The following CD109 variants were observed in gnomAD, a reference collection of about 807,000 sequenced individuals.
The protein encoded by CD109 is CD109 molecule.
CD109 carries 149 observed loss-of-function variants against 165.8 expected under a neutral mutation model. The observed-to-expected ratio is 0.90, with a 90% CI of 0.79 to 1.03. CD109 has a LOEUF of 1.03. Among genes scored for constraint, CD109 ranks in the 50% least tolerant of loss-of-function variants. The pLI is 0.00. For synonymous variants in CD109, 585 were observed against 592.1 expected (o/e 0.99, Z 0.18); for missense variants, 1,712 against 1,677.8 (o/e 1.02, Z -0.36).
intron 15 of CD109, among the ~76,000 whole-genome samples, chr6:73,771,928 A>G (rs1174848220): frequency 6.6e-6 from 1 of 152,208 alleles, no homozygotes; most frequent in African/African-American, 2.4e-5. Context: ...TGTTCTCACC[A>G]CAAAAAATGA....
intron 2 of CD109, among the ~76,000 whole-genome samples, chr6:73,715,618 C>G (rs1010346977): frequency 4.7e-5 from 7 of 149,204 alleles, no homozygotes; most frequent in Non-Finnish European, 7.4e-5. Flanking sequence ...ACAACTGATT[C>G]TTTTTTTAAT....
In CD109 at chr6:73,800,711, T is replaced by C. The variant is rs1434562271; in HGVS notation, c.2879-2509T>C. Among the ~76,000 whole-genome samples, 3 of 152,234 alleles carry C rather than the reference T, an allele frequency of 2.0e-5. No homozygotes were observed. The East Asian group carries it at 5.8e-4, about 29-fold the overall frequency. ...TTTTCTATATTAAGATTTGTTTTTA[T>C]ATTTTTGTCTTTTGTGACTTATCTG... On this transcript the variant is annotated intron_variant, in intron 23 of 32. Coordinates refer to ENST00000287097, the MANE Select transcript of CD109 (RefSeq NM_133493.5).
At chr6:73,705,160 C>T (rs192066909) in intron 2 of CD109, among the ~76,000 whole-genome samples, 10 of 152,280 alleles carry the variant, frequency 6.6e-5, no homozygotes, top group Admixed American at 2.0e-4. Flanking sequence ...TTTGGGGAGA[C>T]ATCCAGGTGG....
chr6:73,726,429 A>G (rs1772145835), intron 3 of CD109, among the ~76,000 whole-genome samples: 1 of 152,220 alleles, frequency 6.6e-6, no homozygotes, highest in African/African-American at 2.4e-5. Context: ...TTTAATGTGT[A>G]AGTATAATTA....
chr6:73,699,710 T>A (rs1770990929), intron 2 of CD109, among the ~76,000 whole-genome samples: 1 of 152,190 alleles, frequency 6.6e-6, no homozygotes, highest in Non-Finnish European at 1.5e-5. Flanking sequence ...GGGAGCAGAA[T>A]GGATCTGTGG....
intron 18 of CD109, among the ~76,000 whole-genome samples, chr6:73,783,353 A>T (rs555627935): frequency 1.3e-5 from 2 of 152,398 alleles, no homozygotes; most frequent in East Asian, 1.9e-4. Flanking sequence ...AGGGATACAG[A>T]GAAAAACTTC....
intron 3 of CD109, among the ~76,000 whole-genome samples, chr6:73,728,134 A>T (rs1200736881): frequency 1.3e-5 from 2 of 152,176 alleles, no homozygotes; most frequent in Non-Finnish European, 2.9e-5. Context: ...CAGCCTGGCC[A>T]ACATGGTAAA....
chr6:73,808,067 CT>C lies in CD109; in HGVS notation c.3190-9del, dbSNP rs143286362. ...GTTACTCTGAATAGTAAAAAACATA[CT>C]TTTTTTCTTCCAAGCCTAACATTGA... On this transcript the variant is annotated splice_polypyrimidine_tract_variant and intron_variant, in intron 25 of 32. Coordinates refer to ENST00000287097, the MANE Select transcript of CD109 (RefSeq NM_133493.5). The C allele has an allele frequency of 2.1e-5, 33 of 1,608,850 alleles. No individual in the cohort carries two copies. The highest frequency in any genetic ancestry group is 3.3e-4 in the Middle Eastern group (2 of 6,042).
chr6:73,781,121 G>A, intron 16 of CD109, 138 bp from the exon 17 acceptor site: 2 of 624,834 alleles, frequency 3.2e-6, no homozygotes, highest in Non-Finnish European at 5.7e-6. Context: ...GAGACAGAAA[G>A]GTTGAATGTA....
In CD109 at chr6:73,792,664, T is replaced by C. The variant is rs1353700237; in HGVS notation, c.2740T>C (p.Leu914=). The change falls in exon 23 of 33, where the codon TTG becomes CTG. Residue 914 remains leucine (L), a synonymous_variant. Coordinates refer to ENST00000287097, the MANE Select transcript of CD109 (RefSeq NM_133493.5). ...LGPSINGLAS[L]IRMPYGCGEQ... Reference sequence around the variant, plus strand: ...TCCTTCCATCAATGGCTTAGCCTCATTGATTCGGATGCCTTATGGCTGTGG... The same window carrying C: ...TCCTTCCATCAATGGCTTAGCCTCACTGATTCGGATGCCTTATGGCTGTGG... 7 of 1,613,298 alleles carry C rather than the reference T, an allele frequency of 4.3e-6. No individual in the cohort carries two copies. Among genetic ancestry groups the C allele is most frequent in the African/African-American group, 2.7e-5 (2 of 74,942 alleles).
chr6:73,815,770 G>T (rs1159281291), intron 30 of CD109, among the ~76,000 whole-genome samples: 1 of 152,186 alleles, frequency 6.6e-6, no homozygotes, highest in Non-Finnish European at 1.5e-5. Context: ...GGAAGCTGCA[G>T]ATTTTTGGTC....
chr6:73,725,932 A>G (rs1772125911), intron 3 of CD109, among the ~76,000 whole-genome samples: 1 of 152,228 alleles, frequency 6.6e-6, no homozygotes, highest in Admixed American at 6.5e-5. Context: ...TGAAAGCTTT[A>G]TTAGAGATTA....
chr6:73,695,606 T>C (rs1407067369), upstream of CD109: 1 of 152,198 alleles, frequency 6.6e-6, no homozygotes, highest in Non-Finnish European at 1.5e-5. Flanking sequence ...CCTCATTTTT[T>C]GTTTTAAGGA....
Position 73,785,386 on chromosome 6 carries a change from T to A in CD109, c.2246T>A (p.Phe749Tyr), listed in dbSNP as rs1404317969. The part of the protein sequence containing the change: ...PVELQAFQPF[F>Y]IFLNLPYSVI... ...CAGCTCCAAGCCTTCCAACCATTTT[T>A]CATTTTTTTGAATCTTCCCTACTCT... Residue 749 changes from phenylalanine to tyrosine, a missense_variant, in exon 20 of 33, where the codon TTC becomes TAC. Physicochemically the swap from Phe to Tyr is conservative, Grantham distance 22. Transcript: ENST00000287097. The A allele has an allele frequency of 6.2e-7, 1 of 1,604,540 alleles. No individual in the cohort carries two copies. The highest frequency in any genetic ancestry group is 1.1e-5 in the South Asian group (1 of 89,438).
the CD109 span, among the ~76,000 whole-genome samples, chr6:73,689,673 T>C: frequency 6.6e-6 from 1 of 152,208 alleles, no homozygotes; most frequent in African/African-American, 2.4e-5. Context: ...GTCAATGCTT[T>C]AATTCTTCAT....
At chr6:73,786,986 AG>A (rs1488962827) in intron 20 of CD109, among the ~76,000 whole-genome samples, 1 of 151,792 alleles carries the variant, frequency 6.6e-6, no homozygotes, top group Non-Finnish European at 1.5e-5. Context: ...ATTTAAAGTT[AG>A]TGGGAGGACT....
chr6:73,720,542 T>A (rs1341352917), intron 2 of CD109, among the ~76,000 whole-genome samples: 1 of 152,192 alleles, frequency 6.6e-6, no homozygotes, highest in Non-Finnish European at 1.5e-5. Context: ...GTAAGGCACA[T>A]GTTAAATAGT....
At chr6:73,790,606 C>T (rs1774890366) in intron 22 of CD109, among the ~76,000 whole-genome samples, 1 of 152,032 alleles carries the variant, frequency 6.6e-6, no homozygotes, top group Admixed American at 6.5e-5. Flanking sequence ...ACTCTGAGTC[C>T]AAAGGCCTGT....
At chr6:73,814,196 A>G (rs758688575) in intron 29 of CD109, among the ~76,000 whole-genome samples, 9 of 152,132 alleles carry the variant, frequency 5.9e-5, no homozygotes, top group East Asian at 3.9e-4. Context: ...GCATATGTGT[A>G]TGTGTTTTAG....
Sources: allele counts gnomAD v4.1 joint callset (sites outside exome capture counted in the v4.1 genomes callset), GRCh38; gene constraint gnomAD v4.1.1; transcripts MANE v1.5; gene names NCBI Gene and HGNC (gene_info 2026-07-23, HGNC 2026-07-21).